The following RNF111 variants were observed in gnomAD, a reference collection of about 807,000 sequenced individuals.
RNF111 encodes E3 ubiquitin-protein ligase Arkadia.
RNF111 carries 17 observed loss-of-function variants against 95.1 expected under a neutral mutation model. The observed-to-expected ratio is 0.18, with a 90% CI of 0.12 to 0.27. The LOEUF (loss-of-function observed/expected upper bound fraction) is 0.27, where lower values mean the gene tolerates loss of function less well. Among genes scored for constraint, RNF111 ranks in the 10% least tolerant of loss-of-function variants. RNF111 has a pLI of 1.00. For missense variants in RNF111, 1,189 were observed against 1,210.4 expected, an observed-to-expected ratio of 0.98 and a Z score of 0.26; for synonymous variants, 440 against 414.8, an observed-to-expected ratio of 1.06 and a Z score of -0.74.
chr15:59,072,448 A>ATT (rs2042973045), intron 6 of RNF111, among the ~76,000 whole-genome samples: 1 of 126,598 alleles, frequency 7.9e-6, no homozygotes, highest in African/African-American at 3.1e-5. Context: ...TGTCATTTCC[A>ATT]TCTTTTTTTT....
chr15:59,068,811 T>C (rs1425182644), intron 6 of RNF111, among the ~76,000 whole-genome samples: 1 of 152,018 alleles, frequency 6.6e-6, no homozygotes, highest in African/African-American at 2.4e-5. Flanking sequence ...GCGCGGTGGC[T>C]CATGCCTGTA....
chr15:59,074,443 A>G (rs1166979142), intron 6 of RNF111, among the ~76,000 whole-genome samples: 1 of 152,240 alleles, frequency 6.6e-6, no homozygotes, highest in Non-Finnish European at 1.5e-5. Flanking sequence ...TGTAGCTTCT[A>G]CATCAGCACT....
intron 1 of RNF111, among the ~76,000 whole-genome samples, chr15:59,030,556 A>C (rs1163414083): frequency 6.6e-6 from 1 of 152,196 alleles, no homozygotes. Flanking sequence ...GGTTAATAGA[A>C]GTTTTTAAGT....
At chr15:59,060,428 A>G (rs1323659427) in intron 5 of RNF111, among the ~76,000 whole-genome samples, 1 of 152,094 alleles carries the variant, frequency 6.6e-6, no homozygotes, top group East Asian at 1.9e-4. Flanking sequence ...ACGTGGTGAA[A>G]CCTTGTCTCT....
chr15:59,058,269 T>C (rs1245210584), intron 4 of RNF111, 87 bp from the exon 5 acceptor site: 2 of 1,057,068 alleles, frequency 1.9e-6, no homozygotes, highest in Non-Finnish European at 2.7e-6. Context: ...TTTTATTTAT[T>C]AATTATAAAC....
At chr15:59,055,285 A>G (rs989188510) in intron 3 of RNF111, among the ~76,000 whole-genome samples, 2 of 152,218 alleles carry the variant, frequency 1.3e-5, no homozygotes, top group Non-Finnish European at 2.9e-5. Flanking sequence ...TTGCAAATCT[A>G]TCCTGAGCTA....
chr15:59,026,702 C>G (rs1292186215), intron 1 of RNF111, among the ~76,000 whole-genome samples: 2 of 147,196 alleles, frequency 1.4e-5, no homozygotes, highest in South Asian at 2.2e-4. Flanking sequence ...CAGCCTGATA[C>G]AATTACAGGG....
intron 5 of RNF111, among the ~76,000 whole-genome samples, chr15:59,060,972 A>G (rs1420784685): frequency 6.6e-6 from 1 of 151,920 alleles, no homozygotes; most frequent in East Asian, 1.9e-4. Flanking sequence ...GTATTTTAGT[A>G]GAGATGGGGT....
Position 59,031,178 on chromosome 15 carries a change from G to C in RNF111, c.356G>C (p.Arg119Thr). The part of the protein sequence containing the change: ...VKENQGILGL[R>T]QHLGTPSDED... Reference sequence around the variant, plus strand: ...GAAAACCAGGGAATATTAGGACTGAGGCAACACCTAGGGACACCAAGTGAT... The same window carrying C: ...GAAAACCAGGGAATATTAGGACTGACGCAACACCTAGGGACACCAAGTGAT... The change falls in exon 2 of 14, where the codon AGG (arginine) becomes ACG (threonine). Residue 119 changes from arginine (R) to threonine (T), a missense_variant. Coordinates refer to ENST00000348370, the MANE Select transcript of RNF111 (RefSeq NM_017610.8). The C allele has an allele frequency of 1.9e-6, 3 of 1,614,174 alleles. No homozygotes were observed. Among genetic ancestry groups the C allele is most frequent in the Non-Finnish European group, 2.5e-6 (3 of 1,180,010 alleles).
chr15:59,046,183 C>CT (rs34047420), intron 2 of RNF111, among the ~76,000 whole-genome samples: 212 of 142,932 alleles, frequency 1.5e-3, no homozygotes, highest in South Asian at 2.2e-3. Flanking sequence ...CTATTTGCTG[C>CT]TTTTTTTTTT....
chr15:59,061,292 A>G (rs1355931956), intron 5 of RNF111, among the ~76,000 whole-genome samples: 2 of 152,204 alleles, frequency 1.3e-5, no homozygotes, highest in East Asian at 1.9e-4. Context: ...CATTAGTTCA[A>G]CTATGTTCTC....
In RNF111 at chr15:59,052,396, T is replaced by A; in HGVS notation, c.972T>A (p.Ser324Arg). 1 of 1,597,136 alleles carries A rather than the reference T, an allele frequency of 6.3e-7. No homozygotes were observed. Among genetic ancestry groups the A allele is most frequent in the Non-Finnish European group, 8.5e-7 (1 of 1,173,348 alleles). The change falls in exon 3 of 14, where the codon AGT becomes AGA. Residue 324 changes from serine to arginine, a missense_variant. Ser to Arg is a moderately radical substitution (Grantham distance 110). This residue lies in a region of RNF111 where 1,024 missense variants were observed against 925.9 expected (regional missense o/e 1.11). Transcript: ENST00000348370. ...AAATTAATGTTACCTCAACTGACAG[T>A]GAAGTGGAGATTGTAACAGTTGGAG... ...NEEINVTSTD[S>R]EVEIVTVGES...
chr15:59,005,664 G>A (rs1422232075), intron 1 of RNF111, among the ~76,000 whole-genome samples: 7 of 151,960 alleles, frequency 4.6e-5, no homozygotes, highest in African/African-American at 1.7e-4. Context: ...GAGGATTGAA[G>A]TCGTACCAAA....
intron 1 of RNF111, among the ~76,000 whole-genome samples, chr15:59,012,414 ATTTAATAGTAGGTTTTC>A (rs1231669664): frequency 1.3e-5 from 2 of 152,150 alleles, no homozygotes; most frequent in Non-Finnish European, 2.9e-5. Context: ...ATCTGTTCTC[ATTTAATAGTAGGTTTTC>A]TTTACGCTTT....
At position 59,074,061 on chromosome 15, in the gene RNF111, A is replaced by AT. The variant is rs1273956592; in HGVS notation, c.1687-1886dup. On this transcript the variant is annotated intron_variant, in intron 6 of 13. Coordinates refer to ENST00000348370, the MANE Select transcript of RNF111 (RefSeq NM_017610.8). Reference sequence around the variant, plus strand: ...CAAGCAGTAACATTTTGAAAGGAATATTTTTTTCTTAGTAGTGGGTCTCAA... The same window carrying AT: ...CAAGCAGTAACATTTTGAAAGGAATATTTTTTTTCTTAGTAGTGGGTCTCAA... Among the ~76,000 whole-genome samples the AT allele has an allele frequency of 6.6e-5, 10 of 152,236 alleles. No individual in the cohort carries two copies. In the East Asian group the frequency reaches 1.9e-3, roughly 29 times the overall value.
At chr15:59,058,658 T>A in intron 5 of RNF111, 108 bp downstream of exon 5, 2 of 961,626 alleles carry the variant, frequency 2.1e-6, no homozygotes, top group East Asian at 4.8e-5. Flanking sequence ...GCGGGTATTC[T>A]TACATTATAA....
At position 59,059,465 on chromosome 15, in the gene RNF111, T is replaced by G. The variant is rs1291383536; in HGVS notation, c.1366+915T>G. Among the ~76,000 whole-genome samples, 81 of 152,234 alleles carry G rather than the reference T, an allele frequency of 5.3e-4. 1 individual carries two copies. The highest frequency in any genetic ancestry group is 1.3e-4 in the Non-Finnish European group (9 of 68,038). On this transcript the variant is annotated intron_variant, in intron 5 of 13. Transcript: ENST00000348370. ...ACACTTTGATGGTTCCTCAGAAAGT[T>G]AAAATAGAGTTACCATTGGATGCAC...
intron 1 of RNF111, among the ~76,000 whole-genome samples, chr15:59,020,372 G>C (rs186617102): frequency 1.8e-3 from 281 of 152,066 alleles, no homozygotes; most frequent in Non-Finnish European, 3.1e-3. Context: ...TTCCTTACCA[G>C]AAATATTAGA....
intron 1 of RNF111, among the ~76,000 whole-genome samples, chr15:59,027,598 G>A (rs1596127398): frequency 1.3e-5 from 2 of 151,120 alleles, no homozygotes; most frequent in Non-Finnish European, 2.9e-5. Context: ...GCGCAATCTC[G>A]GCTCACTGCA....
Sources: allele counts gnomAD v4.1 joint callset (sites outside exome capture counted in the v4.1 genomes callset), GRCh38; gene constraint gnomAD v4.1.1; regional missense constraint gnomAD v4.1.1; transcripts MANE v1.5; gene names NCBI Gene and HGNC (gene_info 2026-07-23, HGNC 2026-07-21).